Variants in HOMER1 observed in about 807,000 individuals in gnomAD.
HOMER1 encodes the protein homer scaffold protein 1.
In HOMER1, 3 loss-of-function variants were observed where a neutral mutation model predicts 48.9. The ratio of observed to expected loss-of-function variants is 0.06; its 90% CI spans 0.03 to 0.16. HOMER1 has a LOEUF of 0.16. Among genes scored for constraint, HOMER1 ranks in the 10% least tolerant of loss-of-function variants. The probability of loss-of-function intolerance (pLI) is 1.00; values close to 1 mark genes in which losing one functional copy is unlikely to be tolerated. For missense variants in HOMER1, 247 were observed against 411.4 expected, an observed-to-expected ratio of 0.60 and a Z score of 3.46; for synonymous variants, 134 against 146.4, an observed-to-expected ratio of 0.92 and a Z score of 0.61.
intron 2 of HOMER1, among the ~76,000 whole-genome samples, chr5:79,454,002 TA>T (rs756478088): frequency 1.3e-5 from 2 of 152,230 alleles, no homozygotes; most frequent in Non-Finnish European, 2.9e-5. Context: ...ATAACTCTGC[TA>T]CAGAAGATAG....
At chr5:79,502,762 T>C (rs1004570576) in intron 1 of HOMER1, among the ~76,000 whole-genome samples, 3 of 152,206 alleles carry the variant, frequency 2.0e-5, no homozygotes, top group African/African-American at 7.2e-5. Context: ...TTAAGGGCAT[T>C]GACCCATGCT....
chr5:79,465,684 C>T (rs1484748054), intron 1 of HOMER1, among the ~76,000 whole-genome samples: 1 of 147,304 alleles, frequency 6.8e-6, no homozygotes, highest in East Asian at 2.0e-4. Flanking sequence ...GCTCCACCTC[C>T]CAGGTTCACG....
intron 1 of HOMER1, among the ~76,000 whole-genome samples, chr5:79,487,224 A>T (rs896527643): frequency 1.3e-5 from 2 of 152,232 alleles, no homozygotes; most frequent in Non-Finnish European, 2.9e-5. Context: ...GGTTGCAGTG[A>T]GCCGAGACAG....
intron 5 of HOMER1, among the ~76,000 whole-genome samples, chr5:79,406,361 A>T (rs962495569): frequency 2.0e-5 from 3 of 152,194 alleles, no homozygotes; most frequent in Non-Finnish European, 4.4e-5. Context: ...CAAGAAGATA[A>T]CTTCACAATT....
At position 79,483,988 on chromosome 5, in the gene HOMER1, A is replaced by G. The variant is rs531710554; in HGVS notation, c.6-26970T>C. Among the ~76,000 whole-genome samples, 31 of 147,900 alleles carry G rather than the reference A, an allele frequency of 2.1e-4. No homozygotes were observed. The South Asian group carries it at 3.5e-3, about 17-fold the overall frequency. ...TTGAACCTGGGAGGCAGAGGTTGCA[A>G]TGAGCCAAGATCATGCCACTGCACT... is the stretch of plus-strand genomic sequence containing the variant. On this transcript the variant is annotated intron_variant, in intron 1 of 8. Transcript: ENST00000334082.
intron 1 of HOMER1, among the ~76,000 whole-genome samples, chr5:79,459,908 G>C (rs1249319679): frequency 6.6e-6 from 1 of 152,188 alleles, no homozygotes; most frequent in African/African-American, 2.4e-5. Context: ...TTTGAAGAAT[G>C]AGGCTAGAAT....
intron 1 of HOMER1, among the ~76,000 whole-genome samples, chr5:79,497,503 A>C (rs971905384): frequency 1.3e-5 from 2 of 151,762 alleles, no homozygotes; most frequent in Non-Finnish European, 2.9e-5. Flanking sequence ...ATAAATAAAT[A>C]AATAAATAAA....
At chr5:79,419,116 ATTTT>A (rs913635949) in intron 5 of HOMER1, among the ~76,000 whole-genome samples, 1 of 151,492 alleles carries the variant, frequency 6.6e-6, no homozygotes, top group South Asian at 2.1e-4. Flanking sequence ...GGATGTCTAT[ATTTT>A]TTTTTAAGGA....
intron 8 of HOMER1, among the ~76,000 whole-genome samples, chr5:79,390,053 A>C (rs1561344858): frequency 6.6e-6 from 1 of 152,210 alleles, no homozygotes; most frequent in Non-Finnish European, 1.5e-5. Context: ...TGGGAGGCCA[A>C]GGTGGGAGGA....
chr5:79,497,215 G>A (rs1234923744), intron 1 of HOMER1, among the ~76,000 whole-genome samples: 4 of 152,100 alleles, frequency 2.6e-5, no homozygotes, highest in Non-Finnish European at 4.4e-5. Context: ...AGCAGTATCT[G>A]GTAGTTTAAA....
chr5:79,405,547 A>G (rs12108977), intron 5 of HOMER1, among the ~76,000 whole-genome samples: 4,563 of 152,004 alleles, frequency 0.03, 207 homozygotes, highest in African/African-American at 0.1. Context: ...TTTTTCTATG[A>G]ATTTTTGTCC....
At chr5:79,498,620 C>T (rs184354163) in intron 1 of HOMER1, among the ~76,000 whole-genome samples, 10 of 152,140 alleles carry the variant, frequency 6.6e-5, no homozygotes, top group African/African-American at 2.2e-4. Context: ...CTGTCTTCTA[C>T]CTCATACTAT....
chr5:79,435,269 T>C (rs1438913859), intron 5 of HOMER1, among the ~76,000 whole-genome samples: 1 of 152,202 alleles, frequency 6.6e-6, no homozygotes, highest in African/African-American at 2.4e-5. Context: ...ACATGTTAAT[T>C]AACAAATTCA....
At chr5:79,466,636 T>A (rs185503856) in intron 1 of HOMER1, among the ~76,000 whole-genome samples, 80 of 152,220 alleles carry the variant, frequency 5.3e-4, no homozygotes, top group African/African-American at 1.9e-3. Context: ...GAACTGACAG[T>A]ATATGCCTGG....
chr5:79,485,347 T>C (rs893010241), intron 1 of HOMER1, among the ~76,000 whole-genome samples: 1 of 152,154 alleles, frequency 6.6e-6, no homozygotes, highest in Non-Finnish European at 1.5e-5. Context: ...AATTCAGCTA[T>C]TCCAACTGAG....
chr5:79,471,264 C>G (rs543835337), intron 1 of HOMER1, among the ~76,000 whole-genome samples: 1 of 152,214 alleles, frequency 6.6e-6, no homozygotes, highest in South Asian at 2.1e-4. Flanking sequence ...CTAAAGGAGG[C>G]CAGGAGCGGT....
At chr5:79,424,652 A>G (rs1750193113) in intron 5 of HOMER1, among the ~76,000 whole-genome samples, 1 of 152,048 alleles carries the variant, frequency 6.6e-6, no homozygotes, top group Non-Finnish European at 1.5e-5. Context: ...TCATATGACA[A>G]CAAACCAAAT....
intron 4 of HOMER1, among the ~76,000 whole-genome samples, chr5:79,444,328 T>A (rs976050423): frequency 6.6e-6 from 1 of 152,156 alleles, no homozygotes; most frequent in African/African-American, 2.4e-5. Context: ...CTTAGCCTCA[T>A]GAGTAGCTGG....
chr5:79,475,541 T>A (rs539579664), intron 1 of HOMER1, among the ~76,000 whole-genome samples: 90 of 151,498 alleles, frequency 5.9e-4, no homozygotes, highest in African/African-American at 2.1e-3. Context: ...TATTCTATCA[T>A]GTCATCCTTC....
Sources: gnomAD v4.1 joint callset for allele counts (sites outside exome capture counted in the v4.1 genomes callset) on GRCh38, gnomAD v4.1.1 for gene constraint, MANE v1.5 for transcripts, NCBI Gene and HGNC (gene_info 2026-07-23, HGNC 2026-07-21) for gene names.